Variants in INTS1 observed in about 807,000 individuals in gnomAD.
The protein encoded by INTS1 is integrator complex subunit 1.
A neutral mutation model predicts 241.6 loss-of-function variants in INTS1; 137 were observed. The ratio of observed to expected loss-of-function variants is 0.57; its 90% CI spans 0.49 to 0.65. The LOEUF (loss-of-function observed/expected upper bound fraction) is 0.65. Among genes scored for constraint, INTS1 ranks in the 30% least tolerant of loss-of-function variants. The pLI is 0.00. For synonymous variants in INTS1, 1,692 were observed against 1,337.8 expected (o/e 1.26, Z -5.78); for missense variants, 3,073 against 3,032.2 (o/e 1.01, Z -0.32).
rs1781792200 is a variant in INTS1, at chr7:1,477,774, T to G, written c.4793A>C (p.Lys1598Thr). The G allele has an allele frequency of 1.9e-6, 3 of 1,612,294 alleles. No homozygotes were observed. The East Asian group carries it at 6.7e-5, about 36-fold the overall frequency. ...LQEEEPLAGG[K>T]PGADGGSLEA... ...TCACCTGCCACCGTCCGCACCCGGC[T>G]TCCCCCCAGCCAGGGGCTCCTCCTC... Residue 1598 changes from lysine (K) to threonine (T), a missense_variant, in exon 34 of 48, where the codon AAG (lysine) becomes ACG (threonine). Transcript: ENST00000404767.
At chr7:1,489,189 G>C (rs1022033609) in intron 18 of INTS1, among the ~76,000 whole-genome samples, 155 bp downstream of exon 18, 1 of 151,704 alleles carries the variant, frequency 6.6e-6, no homozygotes, top group African/African-American at 2.4e-5. Context: ...AAGTGCAGCA[G>C]GCTTAGATCC....
chr7:1,493,042 G>A lies in INTS1; in HGVS notation c.2133C>T (p.Tyr711=), dbSNP rs377026953. ...LIDAVLNLCT[Y]HHPENIQLPP... ...GGAGCTGGATGTTTTCAGGGTGATGGTAGGTGCACAGATTCAGAACGGCGT... is the reference window on the plus strand; with the variant it reads ...GGAGCTGGATGTTTTCAGGGTGATGATAGGTGCACAGATTCAGAACGGCGT... The change falls in exon 16 of 48, where the codon TAC becomes TAT. Residue 711 remains tyrosine, a synonymous_variant. Coordinates refer to ENST00000404767, the MANE Select transcript of INTS1 (RefSeq NM_001080453.3). This position sits in a 1 kb window ranked among gnomAD's most constrained non-coding sequence, Gnocchi z 5.3. 60 of 1,613,554 alleles carry A rather than the reference G, an allele frequency of 3.7e-5. No homozygotes were observed. In the African/African-American group the frequency reaches 6.4e-4, roughly 17 times the overall value.
intron 39 of INTS1, 90 bp downstream of exon 39, chr7:1,475,858 T>A: frequency 6.9e-7 from 1 of 1,439,920 alleles, no homozygotes; most frequent in Non-Finnish European, 9.3e-7. Flanking sequence ...TAGCCGGCGA[T>A]GGCCATGTAC....
rs141126519 is a variant in INTS1, at chr7:1,473,709, G to A, written c.5830-16C>T. On this transcript the variant is annotated splice_polypyrimidine_tract_variant and intron_variant, in intron 41 of 47. Coordinates refer to ENST00000404767, the MANE Select transcript of INTS1 (RefSeq NM_001080453.3). ...TCCTGTAATTCTGCAAAGCAAAAGC[G>A]GCACCCTCGAGCTGCTCTGCCCCGC... is the stretch of plus-strand genomic sequence containing the variant. 1,311 of 1,612,388 alleles carry A rather than the reference G, an allele frequency of 8.1e-4. 6 individuals carry two copies. The African/African-American group carries it at 0.015, about 18-fold the overall frequency.
intron 26 of INTS1, chr7:1,482,935 A>G (rs942631404): frequency 1.8e-6 from 1 of 563,164 alleles, no homozygotes; most frequent in Non-Finnish European, 3.1e-6. Flanking sequence ...CATCACTGCC[A>G]TTTTGTCGTG....
At chr7:1,471,483 C>T (rs929042370) in intron 45 of INTS1, 88 bp downstream of exon 45, 60 of 1,417,676 alleles carry the variant, frequency 4.2e-5, no homozygotes, top group East Asian at 1.6e-4. Flanking sequence ...GGGCTCAGCG[C>T]GGGCACGCCA....
At position 1,485,557 on chromosome 7, in the gene INTS1, C is replaced by A; in HGVS notation, c.2977-88G>T. On this transcript the variant is annotated intron_variant, in intron 22 of 47. Coordinates refer to ENST00000404767, the MANE Select transcript of INTS1 (RefSeq NM_001080453.3). ...CCCGGGAGCACACGCATGGTGCCCTCAGAGCCCCGAGGAGAATGTGGCGCT... is the reference window on the plus strand; with the variant it reads ...CCCGGGAGCACACGCATGGTGCCCTAAGAGCCCCGAGGAGAATGTGGCGCT... The A allele has an allele frequency of 1.4e-6, 2 of 1,384,796 alleles. No individual in the cohort carries two copies. The highest frequency in any genetic ancestry group is 1.3e-5 in the South Asian group (1 of 76,686). The allele number at this position is 1,384,796 out of a possible 1,614,324, so 85.8% of individuals were successfully genotyped here.
chr7:1,482,020 C>T (rs1042512504), intron 27 of INTS1, among the ~76,000 whole-genome samples: 1 of 152,128 alleles, frequency 6.6e-6, no homozygotes, highest in African/African-American at 2.4e-5. Context: ...CGGTGGCTTC[C>T]GGGGGCACAC....
At position 1,470,949 on chromosome 7, in the gene INTS1, T is replaced by A; in HGVS notation, c.6354A>T (p.Ala2118=). The part of the protein sequence containing the change: ...LRSMQNSPSI[A]AAFLPTFMYC... ...ACATGAACGTGGGCAGGAAAGCGGCTGCAATGCTGAAAGACCCACACACTT... is the reference window on the plus strand; with the variant it reads ...ACATGAACGTGGGCAGGAAAGCGGCAGCAATGCTGAAAGACCCACACACTT... The change falls in exon 47 of 48, where the codon GCA becomes GCT. Residue 2118 remains alanine (A), a synonymous_variant. Transcript: ENST00000404767. The A allele has an allele frequency of 6.4e-7, 1 of 1,563,454 alleles. No individual in the cohort carries two copies. Among genetic ancestry groups the A allele is most frequent in the East Asian group, 2.4e-5 (1 of 41,712 alleles).
rs761388432 is a variant in INTS1, at chr7:1,485,354, C to CA, written c.3091_3092insT (p.Arg1031LeufsTer29). The CA allele has an allele frequency of 6.2e-7, 1 of 1,611,866 alleles. No individual in the cohort carries two copies. Among genetic ancestry groups the CA allele is most frequent in the African/African-American group, 1.3e-5 (1 of 74,924 alleles). ...GAACAGAGGCAGGCGAGGCAGGTCCCGCAGCAGCCACTGATAGCCCTGCAG... is the reference window on the plus strand; with the variant it reads ...GAACAGAGGCAGGCGAGGCAGGTCCCAGCAGCAGCCACTGATAGCCCTGCAG... On this transcript the variant is annotated frameshift_variant, in exon 23 of 48. Coordinates refer to ENST00000404767, the MANE Select transcript of INTS1 (RefSeq NM_001080453.3). LOFTEE classifies it high-confidence loss of function.
At chr7:1,494,924 G>A (rs1219934813) in intron 13 of INTS1, 31 bp from the exon 14 acceptor site, 2 of 1,549,452 alleles carry the variant, frequency 1.3e-6, no homozygotes, top group South Asian at 2.4e-5. Flanking sequence ...CCTCAGTCAT[G>A]ATGTGGGTGC....
chr7:1,472,268 C>G lies in INTS1; in HGVS notation c.6184+5G>C, dbSNP rs1396887245. The G allele has an allele frequency of 3.9e-6, 6 of 1,546,416 alleles. No individual in the cohort carries two copies. In the East Asian group the frequency reaches 1.2e-4, roughly 31 times the overall value. ...CTGGCGTGGGTGAAGCAGGGCCTGA[C>G]TCACCCTCCACCGTTTGGCCCCGGG... On this transcript the variant is annotated splice_donor_5th_base_variant and intron_variant, in intron 44 of 47. Coordinates refer to ENST00000404767, the MANE Select transcript of INTS1 (RefSeq NM_001080453.3).
chr7:1,487,388 G>T lies in INTS1; in HGVS notation c.2578C>A (p.Leu860Ile). Residue 860 changes from leucine to isoleucine, a missense_variant, in exon 20 of 48, where the codon CTC becomes ATC. Transcript: ENST00000404767. ...CGGCACAAGAGGTGCCCGAGGCGGA[G>T]GGACTGGTTGAGGCTTTTCACTTGA... ...LDQVKSLNQSLRLGHLLCRSR... is the reference protein window; with the variant it reads ...LDQVKSLNQSIRLGHLLCRSR... 6.2e-7 allele frequency: 1 copy of T among 1,611,940 alleles called. No individual in the cohort carries two copies. Among genetic ancestry groups the T allele is most frequent in the South Asian group, 1.1e-5 (1 of 90,742 alleles).
At chr7:1,477,046 G>C in intron 35 of INTS1, 128 bp from the exon 36 acceptor site, 1 of 1,199,076 alleles carries the variant, frequency 8.3e-7, no homozygotes, top group Non-Finnish European at 1.2e-6. Flanking sequence ...GGTAACACCG[G>C]CCCCGTCATG....
Position 1,497,363 on chromosome 7 carries a change from T to G in INTS1, c.1426-49A>C. On this transcript the variant is annotated intron_variant, in intron 10 of 47. Coordinates refer to ENST00000404767, the MANE Select transcript of INTS1 (RefSeq NM_001080453.3). The surrounding 1 kb of genome is among the most constrained non-coding windows in gnomAD (Gnocchi z 5.3). Reference sequence around the variant, plus strand: ...GGAGGCTGCCCGACAGTGCTGTCCCTGTCACAGGCCCCTTCCCGCAGCACC... The same window carrying G: ...GGAGGCTGCCCGACAGTGCTGTCCCGGTCACAGGCCCCTTCCCGCAGCACC... The G allele has an allele frequency of 6.4e-7, 1 of 1,564,318 alleles. No homozygotes were observed. The highest frequency in any genetic ancestry group is 8.7e-7 in the Non-Finnish European group (1 of 1,153,908).
chr7:1,492,625 G>A (rs201432190), intron 16 of INTS1, among the ~76,000 whole-genome samples: 9 of 36,192 alleles, frequency 2.5e-4, no homozygotes, highest in African/African-American at 8.6e-4. Flanking sequence ...GCATAAACTC[G>A]TTGTGTAAAA....
intron 8 of INTS1, 61 bp downstream of exon 8, chr7:1,498,914 G>A: frequency 2.6e-6 from 4 of 1,538,318 alleles, no homozygotes; most frequent in Non-Finnish European, 3.5e-6. Context: ...CCACGCTGTG[G>A]GGCCACACAG....
At chr7:1,487,633 C>T in intron 19 of INTS1, 127 bp downstream of exon 19, 1 of 1,325,950 alleles carries the variant, frequency 7.5e-7, no homozygotes, top group East Asian at 2.4e-5. Flanking sequence ...GACGGGGCTC[C>T]ACAGGCCTTT....
rs2128535284 is a variant in INTS1, at chr7:1,479,669, G to A, written c.4090C>T (p.Pro1364Ser). ...GMFLQIFPLS[P>S]DPRWQSSSPR... ...CTGGAGCTCTGCCACCGAGGGTCCG[G>A]GCTGAGCGGGAAAATCTGGAACGGG... The change falls in exon 31 of 48, where the codon CCG becomes TCG. Residue 1364 changes from proline to serine, a missense_variant. Pro to Ser is a moderately conservative substitution (Grantham distance 74, BLOSUM62 -1). Transcript: ENST00000404767. The A allele has an allele frequency of 1.4e-6, 2 of 1,473,798 alleles. No individual in the cohort carries two copies. Among genetic ancestry groups the A allele is most frequent in the Admixed American group, 5.1e-5 (2 of 39,344 alleles). 91.3% of individuals were successfully genotyped at this position (1,473,798 alleles called of 1,614,324 possible).
Sources: gnomAD v4.1 joint callset for allele counts (sites outside exome capture counted in the v4.1 genomes callset) on GRCh38, gnomAD v4.1.1 for gene constraint, Gnocchi (gnomAD v3.1) non-coding constraint, MANE v1.5 for transcripts, NCBI Gene and HGNC (gene_info 2026-07-23, HGNC 2026-07-21) for gene names.